The following CNTNAP5 variants were observed in gnomAD, a reference collection of about 807,000 sequenced individuals.
CNTNAP5 encodes the protein contactin associated protein family member 5, also known as contactin-associated protein-like 5.
A neutral mutation model predicts 150.2 loss-of-function variants in CNTNAP5; 72 were observed. The observed-to-expected ratio is 0.48, with a 90% CI of 0.40 to 0.58. The LOEUF is 0.58. CNTNAP5 is among the 20% of genes least tolerant of loss of function. CNTNAP5 has a pLI of 0.00. For synonymous variants in CNTNAP5, 672 were observed against 619.8 expected (o/e 1.08, Z -1.25); for missense variants, 1,636 against 1,626.2 (o/e 1.01, Z -0.10).
In CNTNAP5 at chr2:124,264,403, C is replaced by G. The variant is rs1187378707; in HGVS notation, c.381+22010C>G. Among the ~76,000 whole-genome samples, 14 of 148,962 alleles carry G rather than the reference C, an allele frequency of 9.4e-5. No homozygotes were observed. In the East Asian group the frequency reaches 1.8e-3, roughly 19 times the overall value. Reference sequence around the variant, plus strand: ...ACACACACACATACACACACACACACACACACACACACACACACACACACA... The same window carrying G: ...ACACACACACATACACACACACACAGACACACACACACACACACACACACA... On this transcript the variant is annotated intron_variant, in intron 3 of 23. Transcript: ENST00000682447.
chr2:124,451,337 A>G (rs940990382), intron 6 of CNTNAP5, among the ~76,000 whole-genome samples: 1 of 151,858 alleles, frequency 6.6e-6, no homozygotes, highest in African/African-American at 2.4e-5. Flanking sequence ...AATAGAGATC[A>G]TATTTTTTAA....
intron 1 of CNTNAP5, among the ~76,000 whole-genome samples, chr2:124,200,714 G>T (rs1271124545): frequency 1.3e-5 from 2 of 152,146 alleles, no homozygotes; most frequent in African/African-American, 2.4e-5. Flanking sequence ...TGATTTCGAA[G>T]CTGCAGGCAC....
At chr2:124,456,142 T>A (rs2420858) in intron 6 of CNTNAP5, among the ~76,000 whole-genome samples, 1 of 152,070 alleles carries the variant, frequency 6.6e-6, no homozygotes, top group South Asian at 2.1e-4. Context: ...GTTTGCTGAT[T>A]ATATGATTGG....
intron 13 of CNTNAP5, among the ~76,000 whole-genome samples, chr2:124,738,103 A>T (rs1341630966): frequency 1.3e-5 from 2 of 151,838 alleles, no homozygotes; most frequent in African/African-American, 2.4e-5. Context: ...TTCATTCATT[A>T]TTTTTTTTAC....
chr2:124,875,002 T>C (rs935693872), intron 21 of CNTNAP5, among the ~76,000 whole-genome samples: 2 of 152,064 alleles, frequency 1.3e-5, no homozygotes, highest in Non-Finnish European at 2.9e-5. Flanking sequence ...TCAAGATGCA[T>C]AAAATTTACA....
chr2:124,136,496 T>C (rs1486940632), intron 1 of CNTNAP5, among the ~76,000 whole-genome samples: 1 of 152,206 alleles, frequency 6.6e-6, no homozygotes, highest in African/African-American at 2.4e-5. Context: ...TTATTATACA[T>C]TAGCCTACAG....
At chr2:124,586,191 C>CA (rs1387676655) in intron 11 of CNTNAP5, among the ~76,000 whole-genome samples, 1 of 152,118 alleles carries the variant, frequency 6.6e-6, no homozygotes, top group Non-Finnish European at 1.5e-5. Context: ...ATACCAAAGC[C>CA]AAGGATCAAC....
rs201959601 is a variant in CNTNAP5 at position 124,414,510 on chromosome 2, T to G, written c.382-2933T>G. Among the ~76,000 whole-genome samples the G allele has an allele frequency of 1.1e-3, 170 of 152,220 alleles. 1 individual carries two copies. The highest frequency in any genetic ancestry group is 1.8e-3 in the Non-Finnish European group (125 of 68,018). On this transcript the variant is annotated intron_variant, in intron 3 of 23. Coordinates refer to ENST00000682447, the MANE Select transcript of CNTNAP5 (RefSeq NM_001367498.1). ...TATGAAACTGCAAATGATATGGCTC[T>G]GGGATAGTAGGACTTTGAGACTGTG...
At chr2:124,824,753 C>T (rs1682559136) in intron 19 of CNTNAP5, among the ~76,000 whole-genome samples, 2 of 152,136 alleles carry the variant, frequency 1.3e-5, no homozygotes, top group Non-Finnish European at 2.9e-5. Flanking sequence ...AAACAAGAAA[C>T]AGAAGGCTTC....
At chr2:124,067,236 C>G (rs1308545143) in intron 1 of CNTNAP5, among the ~76,000 whole-genome samples, 1 of 152,172 alleles carries the variant, frequency 6.6e-6, no homozygotes, top group African/African-American at 2.4e-5. Context: ...TGGCTCAAAG[C>G]AGCAGAAATT....
Position 124,331,264 on chromosome 2 carries a change from G to A in CNTNAP5, c.382-86179G>A, listed in dbSNP as rs190161048. On this transcript the variant is annotated intron_variant, in intron 3 of 23. Coordinates refer to ENST00000682447, the MANE Select transcript of CNTNAP5 (RefSeq NM_001367498.1). ...GATGGTAGTTCATTATAATAATGTCGCAAATGACAAGGAAGTTTGCTTATA... is the reference window on the plus strand; with the variant it reads ...GATGGTAGTTCATTATAATAATGTCACAAATGACAAGGAAGTTTGCTTATA... Among the ~76,000 whole-genome samples the A allele has an allele frequency of 2.1e-4, 32 of 152,036 alleles. No individual in the cohort carries two copies. The South Asian group carries it at 3.7e-3, about 18-fold the overall frequency.
rs570335226 is a variant in CNTNAP5 at position 124,337,291 on chromosome 2, G to C, written c.382-80152G>C. Among the ~76,000 whole-genome samples the C allele has an allele frequency of 2.9e-3, 443 of 152,258 alleles. 1 individual carries two copies. Among genetic ancestry groups the C allele is most frequent in the Non-Finnish European group, 1.0e-3 (70 of 68,022 alleles). On this transcript the variant is annotated intron_variant, in intron 3 of 23. Coordinates refer to ENST00000682447, the MANE Select transcript of CNTNAP5 (RefSeq NM_001367498.1). The stretch of plus-strand genomic sequence containing the variant: ...ATATTAGCCCTTTGTCAGATGAGTA[G>C]ATTGCAAAAATTTTCTCCCATTTTT...
intron 11 of CNTNAP5, among the ~76,000 whole-genome samples, chr2:124,566,972 T>C (rs887035678): frequency 4.6e-5 from 7 of 152,242 alleles, no homozygotes; most frequent in African/African-American, 1.7e-4. Context: ...GTTTGAGGGA[T>C]GTTTTACTGA....
chr2:124,786,377 AAG>A (rs1270827159), intron 17 of CNTNAP5, among the ~76,000 whole-genome samples: 10 of 83,340 alleles, frequency 1.2e-4, no homozygotes, highest in Non-Finnish European at 1.9e-4. Context: ...GAAAGAAAGA[AAG>A]AAAGAAAGAA....
rs150443128 is a variant in CNTNAP5, at chr2:124,551,340, T to C, written c.1650-11877T>C. Among the ~76,000 whole-genome samples the C allele has an allele frequency of 4.7e-3, 720 of 152,302 alleles. 7 individuals carry two copies. Among genetic ancestry groups the C allele is most frequent in the African/African-American group, 0.017 (696 of 41,572 alleles). On this transcript the variant is annotated intron_variant, in intron 10 of 23. Coordinates refer to ENST00000682447, the MANE Select transcript of CNTNAP5 (RefSeq NM_001367498.1). ...AATTTCTTAATGTCTGCATCTGCTG[T>C]AATTACAACAAATTTAAATTATAAT...
chr2:124,486,982 G>C, intron 7 of CNTNAP5, among the ~76,000 whole-genome samples: 1 of 152,116 alleles, frequency 6.6e-6, no homozygotes, highest in Admixed American at 6.5e-5. Context: ...CCTAAAAATT[G>C]TTTTACATAG....
chr2:124,499,812 G>A (rs2104858526), intron 7 of CNTNAP5, among the ~76,000 whole-genome samples: 1 of 152,256 alleles, frequency 6.6e-6, no homozygotes, highest in East Asian at 1.9e-4. Context: ...CAGAAAAGTA[G>A]GGCCAGGATC....
At chr2:124,259,522 G>C (rs1687399788) in intron 3 of CNTNAP5, among the ~76,000 whole-genome samples, 1 of 152,104 alleles carries the variant, frequency 6.6e-6, no homozygotes, top group Non-Finnish European at 1.5e-5. Context: ...AGCACCTGTT[G>C]TTTCCTGACT....
chr2:124,722,980 G>T (rs1348006959), intron 13 of CNTNAP5, among the ~76,000 whole-genome samples: 1 of 152,108 alleles, frequency 6.6e-6, no homozygotes. Flanking sequence ...TTCCTGGGAG[G>T]TGGCTGATTA....
Sources: gnomAD v4.1 joint callset for allele counts (sites outside exome capture counted in the v4.1 genomes callset) on GRCh38, gnomAD v4.1.1 for gene constraint, MANE v1.5 for transcripts, NCBI Gene and HGNC (gene_info 2026-07-23, HGNC 2026-07-21) for gene names.